LUZP2: variants seen among roughly 807,000 people sequenced by gnomAD.
LUZP2 encodes the protein leucine zipper protein 2.
In LUZP2, 52 loss-of-function variants were observed where a neutral mutation model predicts 51.6. The observed-to-expected ratio is 1.01, with a 90% CI of 0.81 to 1.27. LUZP2 has a LOEUF of 1.27. LUZP2 is among the 50% of genes most tolerant of loss of function. The pLI is 0.00. For missense variants in LUZP2, 436 were observed against 395.4 expected (o/e 1.10, Z -0.87); for synonymous variants, 154 against 137.3 (o/e 1.12, Z -0.85).
At chr11:24,737,944 T>A (rs1195168283) in intron 3 of LUZP2, among the ~76,000 whole-genome samples, 1 of 152,106 alleles carries the variant, frequency 6.6e-6, no homozygotes, top group Non-Finnish European at 1.5e-5. Flanking sequence ...TAACACATCA[T>A]GTGCCTCACA....
chr11:24,736,456 G>A (rs1858939601), intron 3 of LUZP2, among the ~76,000 whole-genome samples: 1 of 150,482 alleles, frequency 6.6e-6, no homozygotes, highest in South Asian at 2.1e-4. Flanking sequence ...TGAGTGTTTG[G>A]GATAACATGT....
chr11:25,003,918 C>T (rs189618416), intron 9 of LUZP2, among the ~76,000 whole-genome samples: 2 of 152,298 alleles, frequency 1.3e-5, no homozygotes, highest in Admixed American at 6.5e-5. Context: ...CAAAGTCTCC[C>T]AATTAAAACT....
chr11:24,997,259 T>C (rs1856533063), intron 9 of LUZP2, among the ~76,000 whole-genome samples: 1 of 152,010 alleles, frequency 6.6e-6, no homozygotes, highest in Non-Finnish European at 1.5e-5. Context: ...TTCCTATTTC[T>C]CCACATCCTC....
intron 4 of LUZP2, among the ~76,000 whole-genome samples, chr11:24,757,418 T>C (rs1859816590): frequency 6.6e-6 from 1 of 152,142 alleles, no homozygotes; most frequent in South Asian, 2.1e-4. Context: ...TGAGAAATGA[T>C]CAAACACATT....
chr11:24,983,069 G>A lies in LUZP2; in HGVS notation c.598-57G>A. ...GGCTAAGAGGAAAGGGAGAATGCAA[G>A]CAGATAATTGATGAGCATAGCTAAA... On this transcript the variant is annotated intron_variant, in intron 8 of 11. Coordinates refer to ENST00000336930, the MANE Select transcript of LUZP2 (RefSeq NM_001009909.4). The A allele has an allele frequency of 3.9e-6, 6 of 1,543,304 alleles. No individual in the cohort carries two copies. In the South Asian group the frequency reaches 7.0e-5, roughly 18 times the overall value.
chr11:24,988,897 G>A (rs1471289252), intron 9 of LUZP2, among the ~76,000 whole-genome samples: 1 of 151,750 alleles, frequency 6.6e-6, no homozygotes, highest in Admixed American at 6.6e-5. Context: ...TAGGATTTTT[G>A]TATTGTGTTG....
At chr11:24,801,688 G>C (rs1849701358) in intron 5 of LUZP2, among the ~76,000 whole-genome samples, 1 of 151,328 alleles carries the variant, frequency 6.6e-6, no homozygotes, top group African/African-American at 2.4e-5. Context: ...TATTCTAATA[G>C]TATTATCATT....
chr11:24,988,104 T>C (rs1856238198), intron 9 of LUZP2, among the ~76,000 whole-genome samples: 1 of 151,942 alleles, frequency 6.6e-6, no homozygotes, highest in Non-Finnish European at 1.5e-5. Context: ...CTAGAAGAGA[T>C]TTCTCAAATA....
At chr11:24,772,879 C>T (rs1228018839) in intron 5 of LUZP2, among the ~76,000 whole-genome samples, 1 of 152,134 alleles carries the variant, frequency 6.6e-6, no homozygotes, top group East Asian at 1.9e-4. Flanking sequence ...TGTGTCTTCT[C>T]CTCTTCTTAT....
chr11:24,569,346 T>C (rs1467801212), intron 1 of LUZP2, among the ~76,000 whole-genome samples: 1 of 152,110 alleles, frequency 6.6e-6, no homozygotes, highest in Non-Finnish European at 1.5e-5. Flanking sequence ...CCTTTTTATA[T>C]TGATAAGTAA....
chr11:24,612,375 G>T (rs149648486), intron 1 of LUZP2, among the ~76,000 whole-genome samples: 1 of 151,932 alleles, frequency 6.6e-6, no homozygotes, highest in Non-Finnish European at 1.5e-5. Context: ...GTTGACTAAA[G>T]ATTTCTTTAT....
At chr11:24,899,962 A>G (rs1853221899) in intron 5 of LUZP2, among the ~76,000 whole-genome samples, 1 of 152,178 alleles carries the variant, frequency 6.6e-6, no homozygotes, top group Admixed American at 6.5e-5. Context: ...AATGCTGAAA[A>G]TGAAAGTCTC....
intron 9 of LUZP2, among the ~76,000 whole-genome samples, chr11:25,037,560 G>A (rs1402022451): frequency 2.6e-5 from 4 of 152,062 alleles, no homozygotes; most frequent in Non-Finnish European, 1.5e-5. Flanking sequence ...GTGCCAGGGG[G>A]CCGTGAGCTT....
At position 24,715,304 on chromosome 11, in the gene LUZP2, T is replaced by TGTGTGTGC. The variant is rs1351620044; in HGVS notation, c.63-13862_63-13861insTGTGCGTG. Among the ~76,000 whole-genome samples the TGTGTGTGC allele has an allele frequency of 1.0e-4, 7 of 67,764 alleles. No individual in the cohort carries two copies. In the South Asian group the frequency reaches 1.2e-3, roughly 11 times the overall value. The allele number at this position is 67,764 out of a possible 152,430, so 44.5% of individuals were successfully genotyped here. A position where few individuals can be genotyped will look rare whatever the true frequency, so the allele number is the denominator to read the frequency against. On this transcript the variant is annotated intron_variant, in intron 1 of 11. Transcript: ENST00000336930. ...GTGTGTGTGTGTGTGTGTGTGTGTGTGTGCATGCGTATTTCTAAATATATC... is the reference window on the plus strand; with the variant it reads ...GTGTGTGTGTGTGTGTGTGTGTGTGTGTGTGTGCGTGCATGCGTATTTCTAAATATATC...
At chr11:24,507,810 C>A (rs958120188) in intron 1 of LUZP2, among the ~76,000 whole-genome samples, 2 of 151,920 alleles carry the variant, frequency 1.3e-5, no homozygotes, top group African/African-American at 2.4e-5. Flanking sequence ...CATCTTCTCC[C>A]TACTCCCCTT....
intron 5 of LUZP2, among the ~76,000 whole-genome samples, chr11:24,863,057 A>T (rs1851786508): frequency 3.3e-5 from 5 of 152,192 alleles, no homozygotes; most frequent in Admixed American, 3.3e-4. Flanking sequence ...AACACTAGCT[A>T]TAGGTAAGGA....
chr11:24,710,379 T>C (rs1318171057), intron 1 of LUZP2, among the ~76,000 whole-genome samples: 2 of 151,990 alleles, frequency 1.3e-5, no homozygotes, highest in Non-Finnish European at 2.9e-5. Context: ...AAAATCAATA[T>C]TGCTCCTATC....
At chr11:24,981,878 A>G (rs1856041237) in intron 8 of LUZP2, among the ~76,000 whole-genome samples, 1 of 151,934 alleles carries the variant, frequency 6.6e-6, no homozygotes, top group African/African-American at 2.4e-5. Context: ...AAGGTCTAAT[A>G]TCCAGCATAT....
rs72872559 is a variant in LUZP2 at position 24,528,125 on chromosome 11, A to G, written c.62+30820A>G. 2.8e-3 allele frequency among the ~76,000 whole-genome samples: 430 copies of G among 151,440 alleles called. 4 individuals carry two copies. Among genetic ancestry groups the G allele is most frequent in the Non-Finnish European group, 4.3e-3 (291 of 67,476 alleles). On this transcript the variant is annotated intron_variant, in intron 1 of 11. Transcript: ENST00000336930. ...TAAGAGTTCCCTTTTATAAAATTTC[A>G]TGGATAATTGAAAATATAAAAGGAA... is the stretch of plus-strand genomic sequence containing the variant.
Sources: allele counts gnomAD v4.1 joint callset (sites outside exome capture counted in the v4.1 genomes callset), GRCh38; gene constraint gnomAD v4.1.1; transcripts MANE v1.5; gene names NCBI Gene and HGNC (gene_info 2026-07-23, HGNC 2026-07-21).